The following NR3C2 variants were observed in gnomAD, a reference collection of about 807,000 sequenced individuals.
The protein encoded by NR3C2 is nuclear receptor subfamily 3 group C member 2.
NR3C2 carries 15 observed loss-of-function variants against 86.4 expected under a neutral mutation model. That is an observed-to-expected ratio of 0.17 (90% confidence interval 0.12 to 0.27). The LOEUF is 0.27. NR3C2 is among the 10% of genes least tolerant of loss of function. NR3C2 has a pLI of 1.00. For synonymous variants in NR3C2, 458 were observed against 450.5 expected (o/e 1.02, Z -0.21); for missense variants, 960 against 1,195.6 (o/e 0.80, Z 2.91).
intron 2 of NR3C2, among the ~76,000 whole-genome samples, chr4:148,369,778 A>C (rs1287558112): frequency 1.3e-5 from 2 of 152,202 alleles, no homozygotes; most frequent in Admixed American, 6.5e-5. Context: ...AAACAAATAC[A>C]ACTGTTTTGT....
chr4:148,321,052 C>G (rs556686372), intron 2 of NR3C2, among the ~76,000 whole-genome samples: 3 of 150,666 alleles, frequency 2.0e-5, no homozygotes, highest in Admixed American at 6.6e-5. Context: ...GCTTTGAATG[C>G]GTCCCAGAGA....
chr4:148,121,540 T>C (rs1732505182), intron 6 of NR3C2, among the ~76,000 whole-genome samples: 1 of 152,160 alleles, frequency 6.6e-6, no homozygotes, highest in Non-Finnish European at 1.5e-5. Flanking sequence ...TTTTAAAAAT[T>C]AAAAATGGCA....
At chr4:148,274,087 G>GAA (rs550801399) in intron 2 of NR3C2, among the ~76,000 whole-genome samples, 5 of 108,898 alleles carry the variant, frequency 4.6e-5, no homozygotes, top group Admixed American at 1.0e-4. Flanking sequence ...CAGCTCATGA[G>GAA]AAAAAAAAAA....
chr4:148,099,057 C>A (rs1731419400), intron 8 of NR3C2, among the ~76,000 whole-genome samples: 1 of 152,190 alleles, frequency 6.6e-6, no homozygotes, highest in Non-Finnish European at 1.5e-5. Flanking sequence ...GTCTTCTTCC[C>A]TGGCCACACC....
At chr4:148,418,219 A>G (rs1480479330) in intron 2 of NR3C2, among the ~76,000 whole-genome samples, 1 of 152,206 alleles carries the variant, frequency 6.6e-6, no homozygotes, top group Non-Finnish European at 1.5e-5. Context: ...TCTATGTTAT[A>G]GTCCATAATA....
chr4:148,123,981 G>A (rs570579399), intron 6 of NR3C2, among the ~76,000 whole-genome samples: 1 of 152,322 alleles, frequency 6.6e-6, no homozygotes, highest in Admixed American at 6.5e-5. Context: ...GCTCATGCTT[G>A]TAATCCTAGC....
At chr4:148,330,754 G>C (rs1350178443) in intron 2 of NR3C2, among the ~76,000 whole-genome samples, 1 of 152,172 alleles carries the variant, frequency 6.6e-6, no homozygotes, top group Non-Finnish European at 1.5e-5. Context: ...CCCAGTGCTG[G>C]AGTTGGGGCC....
At chr4:148,438,511 C>T (rs766688466) in intron 1 of NR3C2, among the ~76,000 whole-genome samples, 22 of 152,074 alleles carry the variant, frequency 1.4e-4, no homozygotes, top group Non-Finnish European at 3.1e-4. Flanking sequence ...CTAAAAGATG[C>T]TGTTTCTGCC....
At chr4:148,235,065 T>C (rs932888039) in intron 3 of NR3C2, among the ~76,000 whole-genome samples, 1 of 152,106 alleles carries the variant, frequency 6.6e-6, no homozygotes, top group African/African-American at 2.4e-5. Context: ...AAATGACAAC[T>C]CCTGGTTACA....
In NR3C2 at chr4:148,174,158, C is replaced by T. The variant is rs61759416; in HGVS notation, c.2015-19257G>A. 1.8e-3 allele frequency among the ~76,000 whole-genome samples: 277 copies of T among 152,236 alleles called. 1 individual carries two copies. The highest frequency in any genetic ancestry group is 3.5e-3 in the Non-Finnish European group (236 of 68,026). On this transcript the variant is annotated intron_variant, in intron 4 of 8. Coordinates refer to ENST00000358102, the MANE Select transcript of NR3C2 (RefSeq NM_000901.5). ...AAAACAGAGCTAATGGATATGAAAG[C>T]CTGCCTGGGAATGGGACAGTTAGTG...
chr4:148,288,233 C>G (rs1051953878), intron 2 of NR3C2, among the ~76,000 whole-genome samples: 4 of 152,202 alleles, frequency 2.6e-5, no homozygotes, highest in Non-Finnish European at 5.9e-5. Flanking sequence ...AAGATTGTGA[C>G]AATAATACCT....
intron 2 of NR3C2, among the ~76,000 whole-genome samples, chr4:148,313,655 T>C (rs1287394955): frequency 6.6e-6 from 1 of 152,204 alleles, no homozygotes; most frequent in African/African-American, 2.4e-5. Flanking sequence ...CTCTGAATTC[T>C]CTACCACTCC....
intron 3 of NR3C2, among the ~76,000 whole-genome samples, chr4:148,239,772 A>G (rs1322599934): frequency 6.6e-6 from 1 of 152,230 alleles, no homozygotes; most frequent in Non-Finnish European, 1.5e-5. Context: ...ACCATGTGAA[A>G]AATGAGGTGT....
Position 148,280,144 on chromosome 4 carries a change from C to A in NR3C2, c.1758-20027G>T, listed in dbSNP as rs187141449. On this transcript the variant is annotated intron_variant, in intron 2 of 8. Coordinates refer to ENST00000358102, the MANE Select transcript of NR3C2 (RefSeq NM_000901.5). ...AACAGTAAATAAACCTAGCCTTTAA[C>A]AAAATTTCACTGAGCTCCTATGGGA... 2.6e-5 allele frequency among the ~76,000 whole-genome samples: 4 copies of A among 152,162 alleles called. No homozygotes were observed. The South Asian group carries it at 8.3e-4, about 32-fold the overall frequency.
At chr4:148,228,264 A>C (rs1307944005) in intron 3 of NR3C2, among the ~76,000 whole-genome samples, 1 of 107,404 alleles carries the variant, frequency 9.3e-6, no homozygotes, top group Non-Finnish European at 2.0e-5. Context: ...TCTCACATGA[A>C]TAGTTGCATT....
At chr4:148,283,404 G>T (rs957818257) in intron 2 of NR3C2, among the ~76,000 whole-genome samples, 2 of 152,166 alleles carry the variant, frequency 1.3e-5, no homozygotes, top group African/African-American at 2.4e-5. Flanking sequence ...TTCATGCCAA[G>T]TTTATTTTCA....
chr4:148,121,135 T>C (rs1732488405), intron 6 of NR3C2, among the ~76,000 whole-genome samples: 1 of 152,172 alleles, frequency 6.6e-6, no homozygotes, highest in Admixed American at 6.5e-5. Flanking sequence ...AGAGACACTA[T>C]TGGTGAAAAA....
intron 4 of NR3C2, among the ~76,000 whole-genome samples, chr4:148,190,652 T>C (rs1736152304): frequency 6.6e-6 from 1 of 152,364 alleles, no homozygotes; most frequent in Admixed American, 6.5e-5. Flanking sequence ...CCCACTATTA[T>C]TGTGTTGCTG....
intron 3 of NR3C2, among the ~76,000 whole-genome samples, chr4:148,229,521 C>T (rs1245076992): frequency 6.6e-6 from 1 of 152,064 alleles, no homozygotes; most frequent in East Asian, 1.9e-4. Flanking sequence ...GGAAAGGGTA[C>T]TGGATCTTAA....
Sources: gnomAD v4.1 joint callset for allele counts (sites outside exome capture counted in the v4.1 genomes callset) on GRCh38, gnomAD v4.1.1 for gene constraint, MANE v1.5 for transcripts, NCBI Gene and HGNC (gene_info 2026-07-23, HGNC 2026-07-21) for gene names.